GSE1: variants seen among roughly 807,000 people sequenced by gnomAD.
GSE1 encodes genetic suppressor element 1.
A neutral mutation model predicts 112.6 loss-of-function variants in GSE1; 32 were observed. That is an observed-to-expected ratio of 0.28 (90% CI 0.21 to 0.38). The LOEUF is 0.38. GSE1 is among the 10% of genes least tolerant of loss of function. The pLI is 1.00. For missense variants in GSE1, 2,348 were observed against 1,699.2 expected (o/e 1.38, Z -6.71); for synonymous variants, 1,115 against 735.6 (o/e 1.52, Z -8.35).
chr16:85,357,381 A>G, intron 1 of GSE1: 1 of 903,650 alleles, frequency 1.1e-6, no homozygotes. Flanking sequence ...GAGGAATGGC[A>G]CCTATGGCCA....
At chr16:85,459,700 C>T (rs1389817473) in intron 2 of GSE1, among the ~76,000 whole-genome samples, 1 of 152,198 alleles carries the variant, frequency 6.6e-6, no homozygotes, top group East Asian at 1.9e-4. Flanking sequence ...CCAGTCTGCC[C>T]ACCCTGCAGA....
At chr16:85,247,164 T>C (rs78375268) in intron 1 of GSE1, among the ~76,000 whole-genome samples, 2 of 152,304 alleles carry the variant, frequency 1.3e-5, no homozygotes, top group Non-Finnish European at 2.9e-5. Context: ...CTGTGGTTTC[T>C]CTGGTCACAA....
chr16:85,341,589 C>T (rs1028750507), intron 1 of GSE1, among the ~76,000 whole-genome samples: 11 of 152,064 alleles, frequency 7.2e-5, no homozygotes, highest in Non-Finnish European at 1.3e-4. Flanking sequence ...ACCCGGGAGG[C>T]AGAGGTGCAG....
chr16:85,513,581 C>T (rs538645761), intron 2 of GSE1, among the ~76,000 whole-genome samples: 2 of 152,324 alleles, frequency 1.3e-5, no homozygotes, highest in African/African-American at 4.8e-5. Flanking sequence ...TGGGCCAGCC[C>T]CTTCTTTGTC....
chr16:85,561,245 A>AC (rs532718502), intron 1 of GSE1, among the ~76,000 whole-genome samples: 1 of 151,932 alleles, frequency 6.6e-6, no homozygotes, highest in Admixed American at 6.5e-5. Flanking sequence ...GGCTACTCTT[A>AC]CCCCCCTTGA....
At chr16:85,348,508 C>G (rs1378106876) in intron 1 of GSE1, among the ~76,000 whole-genome samples, 1 of 152,180 alleles carries the variant, frequency 6.6e-6, no homozygotes, top group African/African-American at 2.4e-5. Flanking sequence ...CCGGCTGCAT[C>G]TGGCCCCTTT....
chr16:85,402,053 A>G (rs2048126865), intron 2 of GSE1, among the ~76,000 whole-genome samples: 1 of 152,196 alleles, frequency 6.6e-6, no homozygotes, highest in East Asian at 1.9e-4. Context: ...TGGAGGCCCA[A>G]CCATTTCCTC....
chr16:85,354,316 C>G (rs758161257), intron 1 of GSE1, among the ~76,000 whole-genome samples: 2 of 152,216 alleles, frequency 1.3e-5, no homozygotes, highest in Non-Finnish European at 2.9e-5. Flanking sequence ...TGTGTGAGCT[C>G]AGATCACTCA....
chr16:85,640,087 T>A (rs1387114996), intron 2 of GSE1, among the ~76,000 whole-genome samples: 1 of 152,208 alleles, frequency 6.6e-6, no homozygotes, highest in Non-Finnish European at 1.5e-5. Flanking sequence ...AGGACAGTTC[T>A]GAGCAGGTGC....
rs551313808 is a variant in GSE1 at position 85,283,766 on chromosome 16, C to T, written c.2284-73697C>T. The stretch of plus-strand genomic sequence containing the variant: ...TCATAAGTGTATTAGCTCATTCAGC[C>T]CTCAAACAGCCCCTAAGGGGTAGAG... On this transcript the variant is annotated intron_variant, in intron 1 of 2. Transcript: ENST00000637419. Among the ~76,000 whole-genome samples the T allele has an allele frequency of 1.7e-4, 26 of 152,344 alleles. No individual in the cohort carries two copies. The East Asian group carries it at 4.8e-3, about 28-fold the overall frequency.
chr16:85,186,187 C>T (rs2074697586), intron 1 of GSE1, among the ~76,000 whole-genome samples: 2 of 152,160 alleles, frequency 1.3e-5, no homozygotes, highest in African/African-American at 4.8e-5. Flanking sequence ...ACATGTAAAA[C>T]AGGTTGGGTA....
intron 1 of GSE1, among the ~76,000 whole-genome samples, chr16:85,193,072 A>T (rs72797610): frequency 0.17 from 25,750 of 152,120 alleles, 2,406 homozygotes; most frequent in Middle Eastern, 0.28. Flanking sequence ...GGGAGACCAT[A>T]GGGAGCCCTC....
intron 2 of GSE1, among the ~76,000 whole-genome samples, chr16:85,442,060 C>G (rs934990148): frequency 4.6e-5 from 7 of 152,246 alleles, no homozygotes; most frequent in African/African-American, 1.7e-4. Flanking sequence ...TTGCTGGTCT[C>G]CAAACAGCCA....
intron 2 of GSE1, among the ~76,000 whole-genome samples, chr16:85,539,332 G>T (rs2044440656): frequency 6.6e-6 from 1 of 152,246 alleles, no homozygotes; most frequent in Admixed American, 6.5e-5. Context: ...TTAATTGTGG[G>T]TGCAGTTAGT....
intron 1 of GSE1, among the ~76,000 whole-genome samples, chr16:85,243,654 G>T (rs535758102): frequency 2.2e-4 from 34 of 152,346 alleles, no homozygotes; most frequent in Non-Finnish European, 3.5e-4. Context: ...CACGGAGCAG[G>T]CTTTGTGTCT....
intron 1 of GSE1, among the ~76,000 whole-genome samples, chr16:85,340,831 G>T (rs1177920820): frequency 6.6e-6 from 1 of 152,152 alleles, no homozygotes; most frequent in African/African-American, 2.4e-5. Flanking sequence ...GTGGGACGGT[G>T]CGAGGGTGGG....
intron 1 of GSE1, among the ~76,000 whole-genome samples, chr16:85,172,360 G>T (rs1324132232): frequency 6.6e-6 from 1 of 152,222 alleles, no homozygotes; most frequent in Non-Finnish European, 1.5e-5. Flanking sequence ...TTCCAGACAT[G>T]GGGGTGTGGA....
chr16:85,530,086 T>G (rs10863212), intron 2 of GSE1, among the ~76,000 whole-genome samples: 68,921 of 152,066 alleles, frequency 0.45, 16,543 homozygotes, highest in East Asian at 0.75. Flanking sequence ...TGAAGCCTGG[T>G]AGGAAATGGC....
intron 1 of GSE1, among the ~76,000 whole-genome samples, chr16:85,196,739 G>A (rs2074934822): frequency 6.6e-6 from 1 of 152,318 alleles, no homozygotes; most frequent in Non-Finnish European, 1.5e-5. Flanking sequence ...TGTGTTGGGA[G>A]GGAGTCCCAT....
Sources: gnomAD v4.1 joint callset for allele counts (sites outside exome capture counted in the v4.1 genomes callset) on GRCh38, gnomAD v4.1.1 for gene constraint, MANE v1.5 for transcripts, NCBI Gene and HGNC (gene_info 2026-07-23, HGNC 2026-07-21) for gene names.